The following CAMK1D variants were observed in gnomAD, a reference collection of about 807,000 sequenced individuals.
The protein encoded by CAMK1D is calcium/calmodulin dependent protein kinase ID, also known as calcium/calmodulin-dependent protein kinase type 1D.
In CAMK1D, 9 loss-of-function variants were observed where a neutral mutation model predicts 47.7. The ratio of observed to expected loss-of-function variants is 0.19; its 90% confidence interval spans 0.11 to 0.33. The LOEUF (loss-of-function observed/expected upper bound fraction) is 0.33, where lower values mean the gene tolerates loss of function less well. Among genes scored for constraint, CAMK1D ranks in the 10% least tolerant of loss-of-function variants. The pLI is 1.00. For missense variants in CAMK1D, 291 were observed against 488.7 expected, an observed-to-expected ratio of 0.60 and a Z score of 3.81; for synonymous variants, 184 against 184.9, an observed-to-expected ratio of 0.99 and a Z score of 0.04.
At chr10:12,613,518 G>C (rs1267143501) in intron 2 of CAMK1D, among the ~76,000 whole-genome samples, 1 of 152,162 alleles carries the variant, frequency 6.6e-6, no homozygotes, top group Non-Finnish European at 1.5e-5. Context: ...GTTGAGAGTC[G>C]GTATCTACCA....
chr10:12,689,448 G>A (rs12220703), intron 3 of CAMK1D, among the ~76,000 whole-genome samples: 50,826 of 152,056 alleles, frequency 0.33, 9,053 homozygotes, highest in South Asian at 0.55. Flanking sequence ...AAAAGTACCC[G>A]TGAAGTGGTT....
At chr10:12,675,165 A>G (rs1840766580) in intron 3 of CAMK1D, among the ~76,000 whole-genome samples, 1 of 152,214 alleles carries the variant, frequency 6.6e-6, no homozygotes, top group South Asian at 2.1e-4. Context: ...AATGCAAAGG[A>G]TAAATCAGAA....
At chr10:12,644,457 C>T (rs1178933515) in intron 2 of CAMK1D, among the ~76,000 whole-genome samples, 1 of 152,178 alleles carries the variant, frequency 6.6e-6, no homozygotes, top group Non-Finnish European at 1.5e-5. Flanking sequence ...TTAATCTTTC[C>T]TTGTCCAAAG....
At chr10:12,624,425 A>G (rs1421161418) in intron 2 of CAMK1D, among the ~76,000 whole-genome samples, 1 of 152,180 alleles carries the variant, frequency 6.6e-6, no homozygotes, top group African/African-American at 2.4e-5. Flanking sequence ...CAAGTCCCTG[A>G]AAACCACCTC....
intron 3 of CAMK1D, among the ~76,000 whole-genome samples, chr10:12,680,222 T>C (rs1028526992): frequency 6.6e-6 from 1 of 152,190 alleles, no homozygotes; most frequent in Non-Finnish European, 1.5e-5. Context: ...AGAGTTTATA[T>C]AGGAAATTAA....
Position 12,499,894 on chromosome 10 carries a change from G to C in CAMK1D, c.93-53331G>C, listed in dbSNP as rs903118532. On this transcript the variant is annotated intron_variant, in intron 1 of 10. Coordinates refer to ENST00000619168, the MANE Select transcript of CAMK1D (RefSeq NM_153498.4). The stretch of plus-strand genomic sequence containing the variant: ...AGAGGGAATGACAGGAAGAGGAGCC[G>C]TCCACGGATCATTTAGGACCATGAC... Among the ~76,000 whole-genome samples the C allele has an allele frequency of 1.3e-5, 2 of 152,130 alleles. 1 individual carries two copies. The highest frequency in any genetic ancestry group is 6.3e-3 in the Middle Eastern group (2 of 316).
intron 1 of CAMK1D, among the ~76,000 whole-genome samples, chr10:12,390,485 T>C (rs1838683996): frequency 6.6e-6 from 1 of 152,220 alleles, no homozygotes; most frequent in Non-Finnish European, 1.5e-5. Flanking sequence ...TCACTATATC[T>C]GTCTCTGCGT....
chr10:12,749,149 C>T (rs893564112), intron 3 of CAMK1D, among the ~76,000 whole-genome samples: 9 of 152,108 alleles, frequency 5.9e-5, no homozygotes, highest in Non-Finnish European at 1.2e-4. Flanking sequence ...GGCGTGATGC[C>T]TGGGAGCTAT....
intron 3 of CAMK1D, among the ~76,000 whole-genome samples, chr10:12,675,620 A>G (rs1335501007): frequency 2.6e-5 from 4 of 152,176 alleles, no homozygotes; most frequent in Non-Finnish European, 5.9e-5. Context: ...CCAAACCACC[A>G]TATAAAACAT....
At chr10:12,731,605 G>A (rs1834886550) in intron 3 of CAMK1D, among the ~76,000 whole-genome samples, 1 of 152,208 alleles carries the variant, frequency 6.6e-6, no homozygotes, top group East Asian at 1.9e-4. Context: ...AAGTAAATAA[G>A]ACAGAAAGAA....
chr10:12,613,358 G>A (rs1463610942), intron 2 of CAMK1D, among the ~76,000 whole-genome samples: 2 of 152,302 alleles, frequency 1.3e-5, no homozygotes, highest in East Asian at 1.9e-4. Flanking sequence ...ACGAGACTGT[G>A]ACAAGCCATT....
At chr10:12,824,596 G>C in intron 9 of CAMK1D, 44 bp downstream of exon 9, 1 of 1,458,030 alleles carries the variant, frequency 6.9e-7, no homozygotes, top group Non-Finnish European at 9.6e-7. Context: ...TAACCCCCTC[G>C]TGACACTGGC....
chr10:12,679,837 C>T (rs1360628664), intron 3 of CAMK1D, among the ~76,000 whole-genome samples: 1 of 152,228 alleles, frequency 6.6e-6, no homozygotes, highest in Non-Finnish European at 1.5e-5. Flanking sequence ...GGCATATCCC[C>T]CTGGCTAATT....
At chr10:12,593,531 G>A (rs1269714818) in intron 2 of CAMK1D, among the ~76,000 whole-genome samples, 1 of 152,024 alleles carries the variant, frequency 6.6e-6, no homozygotes, top group African/African-American at 2.4e-5. Flanking sequence ...CGGAGGTTGC[G>A]ATGAGCCAAG....
intron 3 of CAMK1D, among the ~76,000 whole-genome samples, chr10:12,675,546 A>T (rs2132587754): frequency 6.6e-6 from 1 of 152,296 alleles, no homozygotes; most frequent in African/African-American, 2.4e-5. Context: ...TCCTGTGGCC[A>T]CCAGCTTCAG....
intron 2 of CAMK1D, among the ~76,000 whole-genome samples, chr10:12,608,025 A>T (rs537165700): frequency 1.1e-4 from 17 of 152,218 alleles, no homozygotes; most frequent in Non-Finnish European, 1.5e-4. Context: ...GCTCAAATCC[A>T]GAGGGTACTT....
chr10:12,444,751 A>G (rs1326116507), intron 1 of CAMK1D, among the ~76,000 whole-genome samples: 3 of 152,186 alleles, frequency 2.0e-5, no homozygotes, highest in African/African-American at 7.2e-5. Context: ...GAGTTAAGTT[A>G]TTATCTAAAG....
intron 2 of CAMK1D, among the ~76,000 whole-genome samples, chr10:12,627,943 T>C (rs1200193220): frequency 2.0e-5 from 3 of 151,864 alleles, no homozygotes; most frequent in Admixed American, 1.3e-4. Flanking sequence ...TAGCCAGGCG[T>C]GGTGGCGCAC....
chr10:12,585,013 T>G (rs958558388), intron 2 of CAMK1D, among the ~76,000 whole-genome samples: 2 of 152,080 alleles, frequency 1.3e-5, no homozygotes, highest in African/African-American at 4.8e-5. Context: ...ACCAGGAACA[T>G]TTGGACTGCT....
Sources: gnomAD v4.1 joint callset for allele counts (sites outside exome capture counted in the v4.1 genomes callset) on GRCh38, gnomAD v4.1.1 for gene constraint, MANE v1.5 for transcripts, NCBI Gene and HGNC (gene_info 2026-07-23, HGNC 2026-07-21) for gene names.